The following CPS1 variants were observed in gnomAD, a reference collection of about 807,000 sequenced individuals.
CPS1 encodes the protein carbamoyl-phosphate synthase 1.
A neutral mutation model predicts 174.6 loss-of-function variants in CPS1; 109 were observed. The ratio of observed to expected loss-of-function variants is 0.62; its 90% CI spans 0.53 to 0.73. CPS1 has a LOEUF of 0.73. Among genes scored for constraint, CPS1 ranks in the 30% least tolerant of loss-of-function variants. The pLI is 0.00. For missense variants in CPS1, 1,689 were observed against 1,821.9 expected (o/e 0.93, Z 1.33); for synonymous variants, 637 against 632.0 (o/e 1.01, Z -0.12).
At chr2:210,528,137 T>G (rs954015716) in intron 1 of CPS1, among the ~76,000 whole-genome samples, 25 of 151,892 alleles carry the variant, frequency 1.6e-4, no homozygotes, top group Admixed American at 2.0e-4. Context: ...TAGTACTCAA[T>G]TGCTTGTTTA....
At chr2:210,599,114 C>G (rs1270034874) in intron 13 of CPS1, among the ~76,000 whole-genome samples, 3 of 151,798 alleles carry the variant, frequency 2.0e-5, no homozygotes, top group African/African-American at 7.2e-5. Context: ...TCCAGCTTTG[C>G]CAACAGTGGC....
rs1486032283 is a variant in CPS1 at position 210,513,019 on chromosome 2, T to C, written c.3+35253T>C. ...ATATGGAGATATATATATATCTATATATCTATATATTTATATATATATGGA... is the reference window on the plus strand; with the variant it reads ...ATATGGAGATATATATATATCTATACATCTATATATTTATATATATATGGA... On this transcript the variant is annotated intron_variant, in intron 1 of 38. Coordinates refer to the CPS1 transcript ENST00000430249. Among the ~76,000 whole-genome samples the C allele has an allele frequency of 2.7e-5, 2 of 73,326 alleles. 1 individual carries two copies. Among genetic ancestry groups the C allele is most frequent in the Non-Finnish European group, 5.9e-5 (2 of 34,032 alleles). The allele number at this position is 73,326 out of a possible 152,430, so 48.1% of individuals were successfully genotyped here.
Position 210,599,447 on chromosome 2 carries a change from G to C in CPS1, c.1435G>C (p.Ala479Pro). 6.2e-7 allele frequency: 1 copy of C among 1,612,634 alleles called. No homozygotes were observed. The highest frequency in any genetic ancestry group is 8.5e-7 in the Non-Finnish European group (1 of 1,179,094). The change falls in exon 14 of 38, where the codon GCG (alanine) becomes CCG (proline). Residue 479 changes from alanine to proline, a missense_variant. Transcript: ENST00000233072. ...VQTNEVGLKQADTVYFLPITP... is the reference protein window; with the variant it reads ...VQTNEVGLKQPDTVYFLPITP... ...GACCAATGAGGTGGGCTTAAAGCAA[G>C]CGGATACTGTCTACTTTCTTCCCAT...
chr2:210,554,765 TAAAAAG>T (rs1301024288), upstream of CPS1, among the ~76,000 whole-genome samples: 3 of 150,852 alleles, frequency 2.0e-5, no homozygotes, highest in Non-Finnish European at 3.0e-5. Flanking sequence ...AAAAAAAACT[TAAAAAG>T]AAAAGTTTCC....
At chr2:210,660,288 A>C (rs1460980533) in intron 31 of CPS1, among the ~76,000 whole-genome samples, 197 bp from the exon 32 acceptor site, 1 of 152,174 alleles carries the variant, frequency 6.6e-6, no homozygotes, top group East Asian at 1.9e-4. Context: ...AAAGGCATGA[A>C]AGAAAGTTAG....
chr2:210,564,606 GAC>G (rs1697231500), intron 1 of CPS1, among the ~76,000 whole-genome samples: 1 of 152,016 alleles, frequency 6.6e-6, no homozygotes, highest in South Asian at 2.1e-4. Context: ...TCGATCTCCT[GAC>G]CTTGTGATCC....
intron 1 of CPS1, among the ~76,000 whole-genome samples, chr2:210,520,440 G>T (rs1695790391): frequency 6.6e-6 from 1 of 151,884 alleles, no homozygotes; most frequent in Admixed American, 6.6e-5. Flanking sequence ...CATTAGTATT[G>T]GTCCTAGTGC....
At chr2:210,569,047 T>C (rs981541584) in intron 1 of CPS1, among the ~76,000 whole-genome samples, 6 of 152,126 alleles carry the variant, frequency 3.9e-5, no homozygotes, top group African/African-American at 1.4e-4. Flanking sequence ...GTTGATTATC[T>C]GACTAAAGTA....
At chr2:210,631,109 G>T (rs1447884164) in intron 21 of CPS1, 2 of 149,488 alleles carry the variant, frequency 1.3e-5, no homozygotes, top group African/African-American at 4.9e-5. Context: ...TTTCACATTA[G>T]AGCTTGTGCA....
intron 20 of CPS1, among the ~76,000 whole-genome samples, chr2:210,613,452 G>A (rs987796530): frequency 4.0e-5 from 6 of 151,848 alleles, no homozygotes; most frequent in South Asian, 4.2e-4. Context: ...TGGCGGTGGC[G>A]GGTGGGATAG....
chr2:210,551,964 A>G (rs142263547), upstream of CPS1, among the ~76,000 whole-genome samples: 102 of 152,084 alleles, frequency 6.7e-4, no homozygotes, highest in African/African-American at 2.3e-3. Flanking sequence ...AGTTTCTGTG[A>G]TAGGAGAAAA....
At chr2:210,550,130 T>G (rs909575431) in intron 1 of CPS1, among the ~76,000 whole-genome samples, 10 of 152,030 alleles carry the variant, frequency 6.6e-5, no homozygotes, top group Non-Finnish European at 1.0e-4. Context: ...CCGTATTACC[T>G]TATCATTTAT....
intron 24 of CPS1, among the ~76,000 whole-genome samples, chr2:210,640,890 T>A (rs1700201899): frequency 6.6e-6 from 1 of 152,216 alleles, no homozygotes; most frequent in Admixed American, 6.5e-5. Context: ...AGTCCATTTG[T>A]GCTGCTGTAA....
intron 34 of CPS1, chr2:210,671,765 T>C (rs1227527164): frequency 6.6e-6 from 1 of 152,202 alleles, no homozygotes; most frequent in Non-Finnish European, 1.5e-5. Context: ...GATACTGTCA[T>C]GTTGGATATT....
intron 27 of CPS1, among the ~76,000 whole-genome samples, chr2:210,649,071 C>T (rs1249687022): frequency 2.6e-5 from 4 of 152,166 alleles, no homozygotes; most frequent in Admixed American, 6.5e-5. Context: ...TGAATTATCA[C>T]TTACTTTCTT....
At chr2:210,550,076 GT>G (rs1336649987) in intron 1 of CPS1, among the ~76,000 whole-genome samples, 2 of 152,084 alleles carry the variant, frequency 1.3e-5, no homozygotes, top group African/African-American at 4.8e-5. Flanking sequence ...AGATGAATTA[GT>G]TTTATTATTA....
intron 33 of CPS1, among the ~76,000 whole-genome samples, chr2:210,664,755 C>G (rs377187443): frequency 6.6e-6 from 1 of 152,070 alleles, no homozygotes; most frequent in Non-Finnish European, 1.5e-5. Context: ...ATCTGTTTCT[C>G]AAGTATAAAG....
In CPS1 at chr2:210,637,849, G is replaced by A. The variant is rs373574684; in HGVS notation, c.2829+6G>A. On this transcript the variant is annotated splice_donor_region_variant and intron_variant, in intron 22 of 37. Coordinates refer to ENST00000233072, the MANE Select transcript of CPS1 (RefSeq NM_001875.5). ...TCCACCCTTGGGTTAAACAGGTAAA[G>A]GAGTTTCCCTTTTCCCCCATCCCCC... 2.4e-5 allele frequency: 38 copies of A among 1,613,678 alleles called. No individual in the cohort carries two copies. In the African/African-American group the frequency reaches 4.9e-4, roughly 21 times the overall value.
intron 1 of CPS1, among the ~76,000 whole-genome samples, chr2:210,549,694 G>T (rs998378025): frequency 6.6e-6 from 1 of 151,906 alleles, no homozygotes; most frequent in Non-Finnish European, 1.5e-5. Context: ...TATATCTATA[G>T]AACAAAGGAA....
Sources: gnomAD v4.1 joint callset for allele counts (sites outside exome capture counted in the v4.1 genomes callset) on GRCh38, gnomAD v4.1.1 for gene constraint, MANE v1.5 for transcripts, NCBI Gene and HGNC (gene_info 2026-07-23, HGNC 2026-07-21) for gene names.